The following PKD1 variants were observed in gnomAD, a reference collection of about 807,000 sequenced individuals.
PKD1 encodes polycystin 1, transient receptor potential channel interacting, also known as polycystin-1.
PKD1 carries 81 observed loss-of-function variants against 361.7 expected under a neutral mutation model. The ratio of observed to expected loss-of-function variants is 0.22; its 90% CI spans 0.19 to 0.27. PKD1 has a LOEUF of 0.27. PKD1 is among the 10% of genes least tolerant of loss of function. The probability of loss-of-function intolerance (pLI) is 1.00; values close to 1 mark genes in which losing one functional copy is unlikely to be tolerated. For missense variants in PKD1, 6,399 were observed against 6,118.3 expected (o/e 1.05, Z -1.53); for synonymous variants, 3,615 against 2,818.3 (o/e 1.28, Z -8.95).
At chr16:2,129,162 GTTTTT>G in intron 1 of PKD1, among the ~76,000 whole-genome samples, 1 of 132,526 alleles carries the variant, frequency 7.5e-6, no homozygotes, top group Non-Finnish European at 1.6e-5. Context: ...CGCCCACCCT[GTTTTT>G]TTTTTTTTTT....
In PKD1 at chr16:2,100,905, C is replaced by T. The variant is rs2092069402; in HGVS notation, c.9398-339G>A. On this transcript the variant is annotated intron_variant, in intron 26 of 45. Transcript: ENST00000262304. This position sits in a 1 kb window ranked among gnomAD's most constrained non-coding sequence, Gnocchi z 4.4. ...ACAACCGGTGACCCGCACCACACAC[C>T]CGTCCCTCAGTTCATGCACAGACTG... is the stretch of plus-strand genomic sequence containing the variant. The T allele has an allele frequency of 4.6e-6, 2 of 436,752 alleles. No individual in the cohort carries two copies. The highest frequency in any genetic ancestry group is 8.6e-6 in the Non-Finnish European group (2 of 233,774). The allele number at this position is 436,752 out of a possible 1,614,324, so 27.1% of individuals were successfully genotyped here.
intron 22 of PKD1, 59 bp from the exon 23 acceptor site, chr16:2,103,954 G>C: frequency 2.6e-6 from 1 of 378,524 alleles, no homozygotes; most frequent in Non-Finnish European, 4.4e-6. Flanking sequence ...GTGGGGGCAG[G>C]CAAAAAGGGG....
rs368766213 is a variant in PKD1 at position 2,093,886 on chromosome 16, C to G, written c.10746G>C (p.Pro3582=). The G allele has an allele frequency of 1.3e-6, 2 of 1,576,868 alleles. No homozygotes were observed. Among genetic ancestry groups the G allele is most frequent in the African/African-American group, 1.3e-5 (1 of 74,300 alleles). Reference sequence around the variant, plus strand: ...ACAGGAGCCACGCAACACTCACGCCCGGGGGGAAGCTCGCACCCACCCACC... The same window carrying G: ...ACAGGAGCCACGCAACACTCACGCCGGGGGGGAAGCTCGCACCCACCCACC... The part of the protein sequence containing the change: ...VSGWVGASFP[P]GVSVAWLLSS... Residue 3582 remains proline, a synonymous_variant, in exon 36 of 46, where the codon CCG becomes CCC. Transcript: ENST00000262304.
Position 2,105,409 on chromosome 16 carries a change from G to C in PKD1, c.7929C>G (p.Arg2643=), listed in dbSNP as rs944771557. 6 of 1,584,686 alleles carry C rather than the reference G, an allele frequency of 3.8e-6. 1 individual carries two copies. The highest frequency in any genetic ancestry group is 4.3e-6 in the Non-Finnish European group (5 of 1,171,588). Reference sequence around the variant, plus strand: ...ACACCAGAGTCTCCGTGATGTTCTTGCGTATCTGGGCTCGGTGCTGCCGCT... The same window carrying C: ...ACACCAGAGTCTCCGTGATGTTCTTCCGTATCTGGGCTCGGTGCTGCCGCT... ...KHERQHRAQI[R]KNITETLVSL... The change falls in exon 21 of 46, where the codon CGC becomes CGG. Residue 2643 remains arginine (R), a synonymous_variant. Transcript: ENST00000262304.
intron 25 of PKD1, 36 bp from the exon 26 acceptor site, chr16:2,102,292 G>A (rs926150436): frequency 6.8e-6 from 10 of 1,465,698 alleles, no homozygotes; most frequent in Middle Eastern, 2.4e-4. Flanking sequence ...AGGAGGTCAC[G>A]TGCAAGCTGT....
At chr16:2,131,516 A>AT (rs1555461732) in intron 1 of PKD1, among the ~76,000 whole-genome samples, 1 of 149,816 alleles carries the variant, frequency 6.7e-6, no homozygotes, top group African/African-American at 2.5e-5. Flanking sequence ...TCAAATAATA[A>AT]AAATAAATAA....
Position 2,118,244 on chromosome 16 carries a change from C to T in PKD1, c.748G>A (p.Gly250Ser), listed in dbSNP as rs764726506. ...GTGGGGGCAGGAGGTGGCGGGGGGC[C>T]GGAGCAGAGGGACAGGCAGGCAAAG... Reference protein sequence around the residue: ...ASFACLSLCSGPPPPPAPTCR... With the variant: ...ASFACLSLCSSPPPPPAPTCR... The change falls in exon 5 of 46, where the codon GGC becomes AGC. Residue 250 changes from glycine (G) to serine (S), a missense_variant. Coordinates refer to ENST00000262304, the MANE Select transcript of PKD1 (RefSeq NM_001009944.3). This position sits in a 1 kb window ranked among gnomAD's most constrained non-coding sequence, Gnocchi z 6.0. The T allele has an allele frequency of 1.0e-5, 16 of 1,531,218 alleles. No individual in the cohort carries two copies. Among genetic ancestry groups the T allele is most frequent in the East Asian group, 2.4e-5 (1 of 41,008 alleles). The allele number at this position is 1,531,218 out of a possible 1,614,324, so 94.9% of individuals were successfully genotyped here.
intron 1 of PKD1, among the ~76,000 whole-genome samples, chr16:2,131,056 C>T (rs1269093659): frequency 6.6e-6 from 1 of 152,192 alleles, no homozygotes; most frequent in Non-Finnish European, 1.5e-5. Context: ...TCGGCTCCAA[C>T]GACCAATTTA....
At chr16:2,105,530 G>A in intron 20 of PKD1, 56 bp from the exon 21 acceptor site, 3 of 1,594,996 alleles carry the variant, frequency 1.9e-6, no homozygotes, top group South Asian at 1.1e-5. Flanking sequence ...CCGGCAGGAG[G>A]CCAGCAGATG....
chr16:2,097,271 C>T, intron 33 of PKD1, 30 bp from the exon 34 acceptor site: 2 of 1,605,656 alleles, frequency 1.2e-6, no homozygotes, highest in Non-Finnish European at 1.7e-6. Flanking sequence ...AGGGTGGGCC[C>T]AGCTGCAAGG....
At position 2,102,886 on chromosome 16, in the gene PKD1, G is replaced by A. The variant is rs762283246; in HGVS notation, c.8876C>T (p.Ala2959Val). The A allele has an allele frequency of 6.2e-7, 1 of 1,610,090 alleles. No individual in the cohort carries two copies. The highest frequency in any genetic ancestry group is 1.1e-5 in the South Asian group (1 of 90,994). Residue 2959 changes from alanine (A) to valine (V), a missense_variant, in exon 24 of 46, where the codon GCT (alanine) becomes GTT (valine). Transcript: ENST00000262304. ...TGACTCTGGGCGGATCCTCCTGCTA[G>A]CCGAGCAGTTGTGCTCATTGGGCCG... Reference protein sequence around the residue: ...EPRPNEHNCSASRRIRPESLQ... With the variant: ...EPRPNEHNCSVSRRIRPESLQ...
intron 34 of PKD1, chr16:2,094,830 G>A (rs1196346289): frequency 6.5e-6 from 1 of 154,168 alleles, no homozygotes; most frequent in African/African-American, 2.4e-5. Context: ...ACGTTGAGGG[G>A]GAGGACGAGA....
rs529492737 is a variant in PKD1 at position 2,114,239 on chromosome 16, C to T, written c.2784G>A (p.Ala928=). ...CGCGGAGGCCACAGATGGGCTCCTC[C>T]GCCGTCACCCGCAGGCTGAGGTTGG... is the stretch of plus-strand genomic sequence containing the variant. The part of the protein sequence containing the change: ...SRANLSLRVT[A]EEPICGLRAT... The change falls in exon 11 of 46, where the codon GCG becomes GCA. Residue 928 remains alanine (A), a synonymous_variant. Coordinates refer to ENST00000262304, the MANE Select transcript of PKD1 (RefSeq NM_001009944.3). The T allele has an allele frequency of 1.5e-5, 24 of 1,609,938 alleles. No individual in the cohort carries two copies. Among genetic ancestry groups the T allele is most frequent in the East Asian group, 8.9e-5 (4 of 44,862 alleles).
rs776910467 is a variant in PKD1 at position 2,106,735 on chromosome 16, T to C, written c.7210-58A>G. On this transcript the variant is annotated intron_variant, in intron 17 of 45. Transcript: ENST00000262304. This position sits in a 1 kb window ranked among gnomAD's most constrained non-coding sequence, Gnocchi z 6.5. ...CCCTCTGCCCTGTCAGCCCCACTTCTGCCTGCAGGCCCCGTCCCCTCGGCC... is the reference window on the plus strand; with the variant it reads ...CCCTCTGCCCTGTCAGCCCCACTTCCGCCTGCAGGCCCCGTCCCCTCGGCC... 9.2e-6 allele frequency: 14 copies of C among 1,515,940 alleles called. 1 individual carries two copies. The South Asian group carries it at 1.5e-4, about 16-fold the overall frequency. The allele number at this position is 1,515,940 out of a possible 1,614,324, so 93.9% of individuals were successfully genotyped here.
At position 2,105,178 on chromosome 16, in the gene PKD1, G is replaced by A. The variant is rs562292505; in HGVS notation, c.8016+144C>T. ...AGAACGGCTGAGGCTACTGAAGCAGGTCAGAGACCGAGGAACGCCATGGCA... is the reference window on the plus strand; with the variant it reads ...AGAACGGCTGAGGCTACTGAAGCAGATCAGAGACCGAGGAACGCCATGGCA... On this transcript the variant is annotated intron_variant, in intron 21 of 45. Transcript: ENST00000262304. 39 of 821,998 alleles carry A rather than the reference G, an allele frequency of 4.7e-5. No individual in the cohort carries two copies. The South Asian group carries it at 5.2e-4, about 11-fold the overall frequency. The allele number at this position is 821,998 out of a possible 1,614,324, so 50.9% of individuals were successfully genotyped here. A position where few individuals can be genotyped will look rare whatever the true frequency, so the allele number is the denominator to read the frequency against.
chr16:2,121,095 A>G (rs2092713054), intron 1 of PKD1, among the ~76,000 whole-genome samples: 4 of 151,882 alleles, frequency 2.6e-5, no homozygotes, highest in African/African-American at 9.7e-5. Flanking sequence ...GCCGGGTGCA[A>G]TGGCTCCTGC....
chr16:2,093,287 A>C (rs2091684793), intron 37 of PKD1, 194 bp from the exon 38 acceptor site: 1 of 711,914 alleles, frequency 1.4e-6, no homozygotes, highest in Non-Finnish European at 2.4e-6. Flanking sequence ...GGGGGCAGAC[A>C]CACAGGCCAC....
chr16:2,103,289 T>A lies in PKD1; in HGVS notation c.8768A>T (p.Gln2923Leu), dbSNP rs2092178667. ...SSNPAAGLHLQLNYTLLDGHY... is the reference protein window; with the variant it reads ...SSNPAAGLHLLLNYTLLDGHY... ...ACCGTCCAGCAGCGTATAGTTGAGC[T>A]GCAGATGCAGCCCGGCCGCAGGGTT... Residue 2923 changes from glutamine to leucine, a missense_variant, in exon 23 of 46, where the codon CAG becomes CTG. Coordinates refer to ENST00000262304, the MANE Select transcript of PKD1 (RefSeq NM_001009944.3). 1 of 1,609,638 alleles carries A rather than the reference T, an allele frequency of 6.2e-7. No homozygotes were observed. Among genetic ancestry groups the A allele is most frequent in the Non-Finnish European group, 8.5e-7 (1 of 1,179,696 alleles).
At chr16:2,126,213 C>T (rs1380735744) in intron 1 of PKD1, among the ~76,000 whole-genome samples, 1 of 152,250 alleles carries the variant, frequency 6.6e-6, no homozygotes, top group Non-Finnish European at 1.5e-5. Context: ...CCTGTACTCC[C>T]ACAGCTGTGA....
Sources: gnomAD v4.1 joint callset for allele counts (sites outside exome capture counted in the v4.1 genomes callset) on GRCh38, gnomAD v4.1.1 for gene constraint, Gnocchi (gnomAD v3.1) non-coding constraint, MANE v1.5 for transcripts, NCBI Gene and HGNC (gene_info 2026-07-23, HGNC 2026-07-21) for gene names.